POTEF: variants seen among roughly 807,000 people sequenced by gnomAD.
The protein encoded by POTEF is POTE ankyrin domain family member F.
A neutral mutation model predicts 83.2 loss-of-function variants in POTEF; 20 were observed. The ratio of observed to expected loss-of-function variants is 0.24; its 90% CI spans 0.17 to 0.35. The LOEUF is 0.35. Among genes scored for constraint, POTEF ranks in the 10% least tolerant of loss-of-function variants. POTEF has a pLI of 1.00. For synonymous variants in POTEF, 196 were observed against 446.4 expected, an observed-to-expected ratio of 0.44 and a Z score of 7.07; for missense variants, 550 against 1,203.2, an observed-to-expected ratio of 0.46 and a Z score of 8.03.
At chr2:130,109,264 T>C (rs1684635952) in intron 7 of POTEF, 1 of 146,390 alleles carries the variant, frequency 6.8e-6, no homozygotes, top group African/African-American at 2.6e-5. Flanking sequence ...ACGCTAACTT[T>C]CCCCGTATTG....
chr2:130,117,954 T>G (rs983132155), intron 3 of POTEF, among the ~76,000 whole-genome samples: 1 of 133,236 alleles, frequency 7.5e-6, no homozygotes, highest in African/African-American at 2.7e-5. Flanking sequence ...TTCTTTTTTT[T>G]TTTTGAGATG....
At chr2:130,101,719 C>A (rs1375726102) in intron 9 of POTEF, among the ~76,000 whole-genome samples, 1 of 124,298 alleles carries the variant, frequency 8.0e-6, no homozygotes, top group Non-Finnish European at 1.7e-5. Flanking sequence ...AATTGATGTA[C>A]CTTCTTCATC....
At chr2:130,114,826 A>C in intron 5 of POTEF, 55 bp downstream of exon 5, 3 of 927,390 alleles carry the variant, frequency 3.2e-6, no homozygotes, top group Non-Finnish European at 4.8e-6. Context: ...TACACAGGTC[A>C]ATGTTAAAAT....
At chr2:130,087,587 T>C (rs1348687436) in intron 13 of POTEF, among the ~76,000 whole-genome samples, 82 of 95,502 alleles carry the variant, frequency 8.6e-4, no homozygotes, top group African/African-American at 3.5e-3. Context: ...CTTCTGTTAA[T>C]AAGGTTGCTG....
In POTEF at chr2:130,118,779, A is replaced by T. The variant is rs570557364; in HGVS notation, c.521+1216T>A. Among the ~76,000 whole-genome samples the T allele has an allele frequency of 1.5e-3, 235 of 151,846 alleles. 4 individuals are homozygous for T. Among genetic ancestry groups the T allele is most frequent in the African/African-American group, 5.6e-3 (231 of 41,304 alleles). The stretch of plus-strand genomic sequence containing the variant: ...TCTTCTGGTATGTTTCTCTTTTTGT[A>T]TATTTAAATTTTTTAATCTATACTC... On this transcript the variant is annotated intron_variant, in intron 3 of 16. Transcript: ENST00000409914.
At chr2:130,107,586 A>G (rs1684576497) in intron 8 of POTEF, 1 of 236,402 alleles carries the variant, frequency 4.2e-6, no homozygotes, top group African/African-American at 2.4e-5. Context: ...CTTATGGCTC[A>G]TATTACAGCC....
chr2:130,128,832 G>A (rs1187475661), intron 1 of POTEF, among the ~76,000 whole-genome samples: 5 of 42,486 alleles, frequency 1.2e-4, no homozygotes, highest in South Asian at 2.0e-3. Flanking sequence ...CCCCTCCCCC[G>A]CCACCGGCAG....
At chr2:130,077,415 G>A (rs1683848907) in intron 15 of POTEF, among the ~76,000 whole-genome samples, 1 of 152,236 alleles carries the variant, frequency 6.6e-6, no homozygotes. Flanking sequence ...GGAACCTGAG[G>A]TGGGGGATGG....
Position 130,075,540 on chromosome 2 carries a change from G to A in POTEF, c.1932C>T (p.Ile644=). The A allele has an allele frequency of 6.2e-7, 1 of 1,610,818 alleles. No homozygotes were observed. The highest frequency in any genetic ancestry group is 8.5e-7 in the Non-Finnish European group (1 of 1,179,630). ...CCCGCAACGTACTATTTTCATGCAA[G>A]ATGTCTTTTTCTTTCTTACAACTAA... The part of the protein sequence containing the change: ...LSLSCKKEKD[I]LHENSTLREE... Residue 644 remains isoleucine (I), a synonymous_variant, in exon 17 of 17, where the codon ATC becomes ATT. Coordinates refer to ENST00000409914, the MANE Select transcript of POTEF (RefSeq NM_001099771.2).
rs1684561251 is a variant in POTEF, at chr2:130,107,198, T to G, written c.1126+811A>C. On this transcript the variant is annotated intron_variant, in intron 8 of 16. Transcript: ENST00000409914. ...TTGTATATTTATTATGACAATCTTT[T>G]GGCAAATGGTAGCAGAGCATCTTGT... is the stretch of plus-strand genomic sequence containing the variant. Among the ~76,000 whole-genome samples the G allele has an allele frequency of 1.4e-5, 2 of 146,628 alleles. 1 individual carries two copies. Among genetic ancestry groups the G allele is most frequent in the African/African-American group, 5.3e-5 (2 of 38,004 alleles).
At position 130,073,975 on chromosome 2, in the gene POTEF, T is replaced by C; in HGVS notation, c.*269A>G. 1 of 668,536 alleles carries C rather than the reference T, an allele frequency of 1.5e-6. No homozygotes were observed. Among genetic ancestry groups the C allele is most frequent in the South Asian group, 2.0e-5 (1 of 50,170 alleles). The allele number at this position is 668,536 out of a possible 1,614,324, so 41.4% of individuals were successfully genotyped here. A position where few individuals can be genotyped will look rare whatever the true frequency, so the allele number is the denominator to read the frequency against. ...CAGGGCAAGGGGCTTCCTGAAACAA[T>C]GCGTCTCACAATATTTGGAATGACT... is the stretch of plus-strand genomic sequence containing the variant. On this transcript the variant is annotated 3_prime_UTR_variant, in exon 17 of 17. Coordinates refer to ENST00000409914, the MANE Select transcript of POTEF (RefSeq NM_001099771.2).
chr2:130,128,663 A>G (rs768310403), intron 1 of POTEF, among the ~76,000 whole-genome samples: 15 of 147,852 alleles, frequency 1.0e-4, no homozygotes, highest in East Asian at 4.1e-4. Context: ...CCCCCACCCC[A>G]CCACAGGTAG....
At chr2:130,078,008 TGA>T (rs1255292902) in intron 15 of POTEF, among the ~76,000 whole-genome samples, 1 of 89,212 alleles carries the variant, frequency 1.1e-5, no homozygotes, top group African/African-American at 4.4e-5. Flanking sequence ...TATCTGTGTA[TGA>T]GAGAGAGATG....
At chr2:130,101,285 T>C (rs1404662349) in intron 9 of POTEF, among the ~76,000 whole-genome samples, 2 of 150,650 alleles carry the variant, frequency 1.3e-5, no homozygotes, top group Non-Finnish European at 2.9e-5. Flanking sequence ...GATTATATAC[T>C]GTCATATGAT....
At chr2:130,078,120 A>C (rs536418915) in intron 15 of POTEF, among the ~76,000 whole-genome samples, 1 of 96,580 alleles carries the variant, frequency 1.0e-5, no homozygotes, top group East Asian at 2.9e-4. Flanking sequence ...GGGCAAGAGA[A>C]ATAAAGGGCA....
chr2:130,116,054 G>A (rs1333307786), intron 3 of POTEF, among the ~76,000 whole-genome samples: 1 of 152,090 alleles, frequency 6.6e-6, no homozygotes, highest in Non-Finnish European at 1.5e-5. Context: ...GTTCCAGTCA[G>A]ATGACCAGCA....
chr2:130,075,535 T>C lies in POTEF; in HGVS notation c.1937A>G (p.His646Arg). Residue 646 changes from histidine (H) to arginine (R), a missense_variant, in exon 17 of 17, where the codon CAT becomes CGT. By Grantham distance (29) the His-to-Arg change is conservative (BLOSUM62 0). Transcript: ENST00000409914. ...TTCTTCCCGCAACGTACTATTTTCA[T>C]GCAAGATGTCTTTTTCTTTCTTACA... is the stretch of plus-strand genomic sequence containing the variant. Reference protein sequence around the residue: ...LSCKKEKDILHENSTLREEIA... With the variant: ...LSCKKEKDILRENSTLREEIA... 1.2e-6 allele frequency: 2 copies of C among 1,611,034 alleles called. No homozygotes were observed. Among genetic ancestry groups the C allele is most frequent in the Non-Finnish European group, 1.7e-6 (2 of 1,179,668 alleles).
At chr2:130,105,334 T>A (rs1684493499) in intron 8 of POTEF, among the ~76,000 whole-genome samples, 1 of 151,594 alleles carries the variant, frequency 6.6e-6, no homozygotes. Context: ...AAACAAGTAG[T>A]TGAGATTCCT....
chr2:130,111,652 T>C (rs1684713064), intron 6 of POTEF, among the ~76,000 whole-genome samples: 1 of 151,030 alleles, frequency 6.6e-6, no homozygotes, highest in Admixed American at 6.6e-5. Context: ...TTAAAAACTA[T>C]TAGAAAGGGT....
Sources: allele counts gnomAD v4.1 joint callset (sites outside exome capture counted in the v4.1 genomes callset), GRCh38; gene constraint gnomAD v4.1.1; transcripts MANE v1.5; gene names NCBI Gene and HGNC (gene_info 2026-07-23, HGNC 2026-07-21).